The following RTN1 variants were observed in gnomAD, a reference collection of about 807,000 sequenced individuals.
The protein encoded by RTN1 is reticulon 1, also known as reticulon-1.
Under a neutral mutation model 65.5 loss-of-function variants are expected in RTN1, and 25 were observed. The observed-to-expected ratio is 0.38, with a 90% CI of 0.28 to 0.53. RTN1 has a LOEUF of 0.53. Among genes scored for constraint, RTN1 ranks in the 20% least tolerant of loss-of-function variants. RTN1 has a pLI of 0.79. For missense variants in RTN1, 983 were observed against 1,025.4 expected (o/e 0.96, Z 0.57); for synonymous variants, 471 against 447.6 (o/e 1.05, Z -0.66).
intron 3 of RTN1, among the ~76,000 whole-genome samples, chr14:59,629,668 T>C (rs1882490511): frequency 6.6e-6 from 1 of 152,182 alleles, no homozygotes; most frequent in Admixed American, 6.5e-5. Context: ...ATGTGTGAAG[T>C]GTGAGGCTGA....
intron 3 of RTN1, among the ~76,000 whole-genome samples, chr14:59,638,797 C>A (rs527454407): frequency 1.3e-5 from 2 of 152,310 alleles, no homozygotes; most frequent in African/African-American, 4.8e-5. Context: ...CTAACCAGAC[C>A]ACTGAAACTT....
Position 59,870,337 on chromosome 14 carries a change from C to G in RTN1, c.241+53G>C, listed in dbSNP as rs1321616078. 3 of 1,421,766 alleles carry G rather than the reference C, an allele frequency of 2.1e-6. No individual in the cohort carries two copies. In the African/African-American group the frequency reaches 4.4e-5, roughly 21 times the overall value. 88.1% of individuals were successfully genotyped at this position (1,421,766 alleles called of 1,614,324 possible). ...GGAGAGCCGCGCAGAAGGGGACTGACTGGGGGGCCCTGGTCCCCGACGCCA... is the reference window on the plus strand; with the variant it reads ...GGAGAGCCGCGCAGAAGGGGACTGAGTGGGGGGCCCTGGTCCCCGACGCCA... On this transcript the variant is annotated intron_variant, in intron 1 of 8. Coordinates refer to ENST00000267484, the MANE Select transcript of RTN1 (RefSeq NM_021136.3). The surrounding 1 kb of genome is among the most constrained non-coding windows in gnomAD (Gnocchi z 5.1).
intron 1 of RTN1, among the ~76,000 whole-genome samples, chr14:59,869,826 G>A (rs932503059): frequency 9.9e-5 from 15 of 152,192 alleles, no homozygotes; most frequent in African/African-American, 2.9e-4. Context: ...GTTTTCTGCG[G>A]GAGAAAAGGC....
chr14:59,808,242 C>T (rs1002429855), intron 1 of RTN1, among the ~76,000 whole-genome samples: 2 of 152,122 alleles, frequency 1.3e-5, no homozygotes. Flanking sequence ...AAAAAGACCA[C>T]CTTGACAAAT....
chr14:59,742,026 G>C (rs998673345), intron 2 of RTN1, among the ~76,000 whole-genome samples: 3 of 151,942 alleles, frequency 2.0e-5, no homozygotes, highest in African/African-American at 7.3e-5. Flanking sequence ...GCAAGGGCAG[G>C]GACCTTGTAC....
chr14:59,677,358 T>A (rs1159126875), intron 3 of RTN1, among the ~76,000 whole-genome samples: 3 of 152,210 alleles, frequency 2.0e-5, no homozygotes. Context: ...TTTCCAGGGA[T>A]GCTGGTACCC....
chr14:59,810,439 C>T (rs774505827), intron 1 of RTN1, among the ~76,000 whole-genome samples: 2 of 152,114 alleles, frequency 1.3e-5, no homozygotes, highest in Non-Finnish European at 2.9e-5. Flanking sequence ...TAATAGAGTT[C>T]TCTGTTTCTG....
intron 3 of RTN1, among the ~76,000 whole-genome samples, chr14:59,690,853 C>G (rs927234566): frequency 1.3e-5 from 2 of 151,586 alleles, no homozygotes; most frequent in African/African-American, 2.4e-5. Context: ...GGGTAAAGAA[C>G]AAAATTAAGG....
intron 1 of RTN1, among the ~76,000 whole-genome samples, chr14:59,779,798 G>A (rs1384809882): frequency 6.6e-6 from 1 of 152,074 alleles, no homozygotes; most frequent in African/African-American, 2.4e-5. Flanking sequence ...TTGTCTATAT[G>A]TTGCTTAGTT....
chr14:59,835,967 G>A (rs1409544984), intron 1 of RTN1, among the ~76,000 whole-genome samples: 2 of 152,156 alleles, frequency 1.3e-5, no homozygotes, highest in Non-Finnish European at 2.9e-5. Flanking sequence ...ATTCCTTCTG[G>A]AGGTTCTAGG....
chr14:59,676,874 A>G (rs936736836), intron 3 of RTN1, among the ~76,000 whole-genome samples: 1 of 152,206 alleles, frequency 6.6e-6, no homozygotes, highest in Non-Finnish European at 1.5e-5. Flanking sequence ...TTGAAAAGTG[A>G]TGAGGCTTAG....
At chr14:59,852,355 C>A (rs540977363) in intron 1 of RTN1, among the ~76,000 whole-genome samples, 1 of 152,112 alleles carries the variant, frequency 6.6e-6, no homozygotes, top group Non-Finnish European at 1.5e-5. Flanking sequence ...GAGAAAAAAA[C>A]TGATTTTCCA....
Position 59,766,281 on chromosome 14 carries a change from A to G in RTN1, c.242-19800T>C, listed in dbSNP as rs1885848936. 6.6e-6 allele frequency among the ~76,000 whole-genome samples: 1 copy of G among 152,172 alleles called. No individual in the cohort carries two copies. The highest frequency in any genetic ancestry group is 2.4e-5 in the African/African-American group (1 of 41,446). On this transcript the variant is annotated intron_variant, in intron 1 of 8. Coordinates refer to ENST00000267484, the MANE Select transcript of RTN1 (RefSeq NM_021136.3). This position sits in a 1 kb window ranked among gnomAD's most constrained non-coding sequence, Gnocchi z 4.4. The stretch of plus-strand genomic sequence containing the variant: ...TAGAATTTAATCTGTGCCTCAACAC[A>G]AGGTAGTTTTCGAAATAAATGCTTA...
chr14:59,749,186 ATC>A (rs1456106904), intron 1 of RTN1, among the ~76,000 whole-genome samples: 21 of 79,296 alleles, frequency 2.6e-4, no homozygotes, highest in African/African-American at 1.3e-3. Context: ...CTATATATCT[ATC>A]TATATATATC....
At chr14:59,647,194 A>C (rs1272953888) in intron 3 of RTN1, among the ~76,000 whole-genome samples, 2 of 152,190 alleles carry the variant, frequency 1.3e-5, no homozygotes, top group East Asian at 3.8e-4. Context: ...AACAAAAATC[A>C]AAAAAGACAA....
At chr14:59,801,700 T>G (rs1020757120) in intron 1 of RTN1, among the ~76,000 whole-genome samples, 2 of 152,144 alleles carry the variant, frequency 1.3e-5, no homozygotes, top group African/African-American at 4.8e-5. Context: ...GACTGTATTC[T>G]CAACAAAAGC....
intron 3 of RTN1, among the ~76,000 whole-genome samples, chr14:59,703,263 T>G (rs1389803645): frequency 6.6e-6 from 1 of 152,222 alleles, no homozygotes; most frequent in African/African-American, 2.4e-5. Context: ...TGTTGAAATG[T>G]GATTCCCAAT....
At chr14:59,596,976 A>G (rs562767812) in intron 8 of RTN1, among the ~76,000 whole-genome samples, 189 bp from the exon 9 acceptor site, 40 of 152,368 alleles carry the variant, frequency 2.6e-4, no homozygotes, top group Non-Finnish European at 4.4e-4. Context: ...CTGGATAATG[A>G]AAATAACAGC....
intron 8 of RTN1, among the ~76,000 whole-genome samples, chr14:59,597,336 C>A (rs1881433082): frequency 6.6e-6 from 1 of 152,220 alleles, no homozygotes; most frequent in African/African-American, 2.4e-5. Flanking sequence ...ATCCGGCAAG[C>A]TAAGGGACTT....
Sources: gnomAD v4.1 joint callset for allele counts (sites outside exome capture counted in the v4.1 genomes callset) on GRCh38, gnomAD v4.1.1 for gene constraint, Gnocchi (gnomAD v3.1) non-coding constraint, MANE v1.5 for transcripts, NCBI Gene and HGNC (gene_info 2026-07-23, HGNC 2026-07-21) for gene names.